The following GABRB3 variants were observed in gnomAD, a reference collection of about 807,000 sequenced individuals.
GABRB3 encodes the protein gamma-aminobutyric acid type A receptor subunit beta3, also known as gamma-aminobutyric acid receptor subunit beta-3.
GABRB3 carries 14 observed loss-of-function variants against 52.1 expected under a neutral mutation model. That is an observed-to-expected ratio of 0.27 (90% CI 0.18 to 0.42). GABRB3 has a LOEUF of 0.42. Ranked by LOEUF, GABRB3 falls within the 10% of genes least tolerant of loss-of-function variation. The pLI is 1.00. For synonymous variants in GABRB3, 260 were observed against 232.3 expected, an observed-to-expected ratio of 1.12 and a Z score of -1.08; for missense variants, 307 against 609.1, an observed-to-expected ratio of 0.50 and a Z score of 5.22.
chr15:26,632,604 A>G (rs1001641940), intron 3 of GABRB3, among the ~76,000 whole-genome samples: 2 of 152,204 alleles, frequency 1.3e-5, no homozygotes, highest in African/African-American at 4.8e-5. Flanking sequence ...ACCTAAGCCA[A>G]TGAGAACCAG....
At chr15:26,597,041 G>T (rs139108667) in intron 4 of GABRB3, among the ~76,000 whole-genome samples, 71 of 152,166 alleles carry the variant, frequency 4.7e-4, no homozygotes, top group African/African-American at 1.6e-3. Flanking sequence ...AAAGCCACCA[G>T]TTCCTCTCCC....
Position 26,554,184 on chromosome 15 carries a change from A to G in GABRB3, c.1081-6050T>C, listed in dbSNP as rs1301611947. Reference sequence around the variant, plus strand: ...AAGTATATATATATAAAGTATATATATATATACTATATATATATATATATA... The same window carrying G: ...AAGTATATATATATAAAGTATATATGTATATACTATATATATATATATATA... On this transcript the variant is annotated intron_variant, in intron 8 of 8. Coordinates refer to ENST00000311550, the MANE Select transcript of GABRB3 (RefSeq NM_000814.6). Among the ~76,000 whole-genome samples the G allele has an allele frequency of 3.3e-3, 98 of 29,546 alleles. 18 individuals carry two copies. The highest frequency in any genetic ancestry group is 0.015 in the African/African-American group (92 of 5,946). The allele number at this position is 29,546 out of a possible 152,430, so 19.4% of individuals were successfully genotyped here.
At chr15:26,701,880 A>G (rs1368826017) in intron 3 of GABRB3, among the ~76,000 whole-genome samples, 1 of 152,272 alleles carries the variant, frequency 6.6e-6, no homozygotes, top group African/African-American at 2.4e-5. Context: ...GTATAACTAT[A>G]CATGGAGAGA....
At position 26,638,786 on chromosome 15, in the gene GABRB3, A is replaced by G. The variant is rs557808991; in HGVS notation, c.241-17252T>C. ...CATATTCTGGTCACTATTTTGATTT[A>G]AACCTTTCAACTTCACTCAAATCAG... On this transcript the variant is annotated intron_variant, in intron 3 of 8. Coordinates refer to ENST00000311550, the MANE Select transcript of GABRB3 (RefSeq NM_000814.6). Among the ~76,000 whole-genome samples the G allele has an allele frequency of 3.9e-5, 6 of 152,276 alleles. No homozygotes were observed. The East Asian group carries it at 1.2e-3, about 29-fold the overall frequency.
intron 3 of GABRB3, among the ~76,000 whole-genome samples, chr15:26,691,142 G>A (rs1228483310): frequency 6.6e-6 from 1 of 151,868 alleles, no homozygotes; most frequent in Admixed American, 6.6e-5. Context: ...GAGACACTGA[G>A]TCCCAGTCTT....
chr15:26,738,784 T>A (rs1890130202), intron 3 of GABRB3, among the ~76,000 whole-genome samples: 1 of 152,152 alleles, frequency 6.6e-6, no homozygotes, highest in African/African-American at 2.4e-5. Context: ...TTACTCTCTG[T>A]CCACATTCCC....
Position 26,547,696 on chromosome 15 carries a change from TTG to T in GABRB3, c.*95_*96del, listed in dbSNP as rs1288723792. ...CGTATGTATATATGTGTGTGTCTGCTTGTGTGTCTGTGTGTGTACAGGTATAA... is the reference window on the plus strand; with the variant it reads ...CGTATGTATATATGTGTGTGTCTGCTTGTGTCTGTGTGTGTACAGGTATAA... On this transcript the variant is annotated 3_prime_UTR_variant, in exon 9 of 9. Coordinates refer to ENST00000311550, the MANE Select transcript of GABRB3 (RefSeq NM_000814.6). 5 of 891,678 alleles carry T rather than the reference TTG, an allele frequency of 5.6e-6. No homozygotes were observed. The highest frequency in any genetic ancestry group is 9.2e-6 in the Non-Finnish European group (5 of 540,600). The allele number at this position is 891,678 out of a possible 1,614,324, so 55.2% of individuals were successfully genotyped here.
chr15:26,681,017 T>C (rs1888223341), intron 3 of GABRB3, among the ~76,000 whole-genome samples: 1 of 152,254 alleles, frequency 6.6e-6, no homozygotes, highest in South Asian at 2.1e-4. Context: ...TGGCTTTATA[T>C]TACTTCATTC....
chr15:26,739,559 G>A (rs951788238), intron 3 of GABRB3, among the ~76,000 whole-genome samples: 1 of 152,040 alleles, frequency 6.6e-6, no homozygotes, highest in African/African-American at 2.4e-5. Context: ...GCAAGGAGGG[G>A]CCGGTTTGGC....
At chr15:26,666,026 A>G (rs1222080754) in intron 3 of GABRB3, among the ~76,000 whole-genome samples, 1 of 152,126 alleles carries the variant, frequency 6.6e-6, no homozygotes, top group Non-Finnish European at 1.5e-5. Flanking sequence ...TTAGACTGTT[A>G]TTTTACCAAG....
upstream of GABRB3, chr15:26,773,558 C>A: frequency 9.6e-7 from 1 of 1,040,592 alleles, no homozygotes; most frequent in Admixed American, 2.1e-5. Flanking sequence ...AGCCCGAGAG[C>A]CCCCGGGTGC....
intron 3 of GABRB3, among the ~76,000 whole-genome samples, chr15:26,671,893 G>C (rs1176425291): frequency 6.6e-6 from 1 of 152,040 alleles, no homozygotes; most frequent in Non-Finnish European, 1.5e-5. Context: ...GTCTCAAAGA[G>C]TTTGAGCTCA....
intron 3 of GABRB3, among the ~76,000 whole-genome samples, chr15:26,741,042 ATAAGTGTGTGTGTGTG>A (rs143879451): frequency 0.38 from 52,825 of 138,226 alleles, 10,742 homozygotes; most frequent in East Asian, 0.55. Context: ...CGAGGGAGGA[ATAAGTGTGTGTGTGTG>A]TGTGTGTGTG....
At chr15:26,773,672 A>G (rs867087793), upstream of GABRB3, 1 of 1,573,410 alleles carries the variant, frequency 6.4e-7, no homozygotes, top group Non-Finnish European at 8.6e-7. Context: ...TCGGGTCCCC[A>G]GGGTCCAGGA....
chr15:26,568,622 C>T (rs552605601), intron 6 of GABRB3, among the ~76,000 whole-genome samples: 120 of 150,430 alleles, frequency 8.0e-4, no homozygotes, highest in Non-Finnish European at 1.1e-3. Flanking sequence ...CTCAGCCTCC[C>T]GAGTAGGTGG....
At chr15:26,629,657 C>A (rs1030518660) in intron 3 of GABRB3, among the ~76,000 whole-genome samples, 1 of 152,264 alleles carries the variant, frequency 6.6e-6, no homozygotes, top group East Asian at 1.9e-4. Flanking sequence ...TGGTAACACT[C>A]CACTTCTCAC....
chr15:26,549,168 G>A (rs1251535921), intron 8 of GABRB3, among the ~76,000 whole-genome samples: 2 of 152,184 alleles, frequency 1.3e-5, no homozygotes, highest in Non-Finnish European at 1.5e-5. Flanking sequence ...GTTATTTTGT[G>A]TAGGAATAAT....
intron 3 of GABRB3, among the ~76,000 whole-genome samples, chr15:26,728,337 ACT>A (rs1294534668): frequency 1.3e-5 from 2 of 152,060 alleles, no homozygotes. Context: ...ACATATGGAG[ACT>A]CTGTTGTCTT....
intron 3 of GABRB3, among the ~76,000 whole-genome samples, chr15:26,641,446 C>G (rs1322811692): frequency 1.3e-5 from 2 of 152,230 alleles, no homozygotes; most frequent in Admixed American, 1.3e-4. Context: ...AGTGAATTGA[C>G]TGGCATAGCT....
Sources: gnomAD v4.1 joint callset for allele counts (sites outside exome capture counted in the v4.1 genomes callset) on GRCh38, gnomAD v4.1.1 for gene constraint, MANE v1.5 for transcripts, NCBI Gene and HGNC (gene_info 2026-07-23, HGNC 2026-07-21) for gene names.